NDST3: variants seen among roughly 807,000 people sequenced by gnomAD.
The protein encoded by NDST3 is N-deacetylase and N-sulfotransferase 3.
A neutral mutation model predicts 96.1 loss-of-function variants in NDST3; 58 were observed. That is an observed-to-expected ratio of 0.60 (90% CI 0.49 to 0.75). The LOEUF is 0.75. NDST3 is among the 30% of genes least tolerant of loss of function. The pLI is 0.00. For missense variants in NDST3, 788 were observed against 1,034.2 expected, an observed-to-expected ratio of 0.76 and a Z score of 3.27; for synonymous variants, 333 against 359.7, an observed-to-expected ratio of 0.93 and a Z score of 0.84.
At chr4:118,161,437 C>T (rs964811038) in intron 6 of NDST3, among the ~76,000 whole-genome samples, 6 of 152,186 alleles carry the variant, frequency 3.9e-5, no homozygotes, top group African/African-American at 1.2e-4. Flanking sequence ...GCAGAGGTTA[C>T]TGCTGTCTTT....
At chr4:118,095,753 C>T (rs957769837) in intron 2 of NDST3, among the ~76,000 whole-genome samples, 9 of 151,822 alleles carry the variant, frequency 5.9e-5, no homozygotes, top group African/African-American at 2.2e-4. Context: ...ACACTGGCAA[C>T]CACCAATCTA....
intron 1 of NDST3, among the ~76,000 whole-genome samples, chr4:118,047,043 T>C (rs1384127845): frequency 1.3e-5 from 2 of 152,158 alleles, no homozygotes; most frequent in Non-Finnish European, 2.9e-5. Flanking sequence ...CAGCTGCAAA[T>C]GTGAGAAATA....
At chr4:118,142,412 C>A (rs982141477) in intron 5 of NDST3, among the ~76,000 whole-genome samples, 2 of 149,318 alleles carry the variant, frequency 1.3e-5, no homozygotes, top group Middle Eastern at 3.5e-3. Flanking sequence ...AAGGGCTAGA[C>A]GAAAATTTAT....
chr4:118,053,623 A>C (rs569151867), intron 1 of NDST3, 133 bp from the exon 2 acceptor site: 1 of 245,878 alleles, frequency 4.1e-6, no homozygotes, highest in African/African-American at 2.3e-5. Flanking sequence ...GGAGAAGAAA[A>C]GGGAGGGCTT....
chr4:118,170,573 C>CA (rs1422086733), intron 6 of NDST3, among the ~76,000 whole-genome samples: 5 of 151,954 alleles, frequency 3.3e-5, no homozygotes, highest in Non-Finnish European at 5.9e-5. Flanking sequence ...ACTAAAAATA[C>CA]AAAAAATTAG....
chr4:118,078,420 TA>T (rs1727744814), intron 2 of NDST3, among the ~76,000 whole-genome samples: 1 of 152,196 alleles, frequency 6.6e-6, no homozygotes, highest in African/African-American at 2.4e-5. Flanking sequence ...GCCAGTTGCA[TA>T]GGTGAATATA....
At chr4:118,091,505 T>C (rs930107142) in intron 2 of NDST3, among the ~76,000 whole-genome samples, 1 of 151,774 alleles carries the variant, frequency 6.6e-6, no homozygotes, top group African/African-American at 2.4e-5. Context: ...GTTTGAGAAA[T>C]TGAGCATGGC....
chr4:118,178,704 C>G (rs373376629), intron 6 of NDST3, among the ~76,000 whole-genome samples: 2 of 151,994 alleles, frequency 1.3e-5, no homozygotes, highest in Admixed American at 6.6e-5. Flanking sequence ...TACCCAGAAG[C>G]AGAATTGCTG....
At chr4:118,124,553 T>C (rs1731881595) in intron 4 of NDST3, among the ~76,000 whole-genome samples, 1 of 151,988 alleles carries the variant, frequency 6.6e-6, no homozygotes, top group Admixed American at 6.6e-5. Flanking sequence ...AGCACTGAGA[T>C]TGAGCCGGGG....
intron 3 of NDST3, 21 bp downstream of exon 3, chr4:118,105,126 G>A: frequency 6.4e-7 from 1 of 1,572,066 alleles, no homozygotes; most frequent in Non-Finnish European, 8.8e-7. Context: ...GGGATTAACT[G>A]TTCTCATTAA....
At chr4:118,221,354 A>T (rs370193737) in intron 6 of NDST3, among the ~76,000 whole-genome samples, 1 of 152,174 alleles carries the variant, frequency 6.6e-6, no homozygotes, top group African/African-American at 2.4e-5. Context: ...TCAGAAAAAT[A>T]TTTGTGGATT....
chr4:118,036,104 T>G (rs1724133701), intron 1 of NDST3, among the ~76,000 whole-genome samples: 1 of 152,096 alleles, frequency 6.6e-6, no homozygotes, highest in South Asian at 2.1e-4. Flanking sequence ...AAACCATATA[T>G]TCTGCTAAAG....
chr4:118,242,447 T>C (rs1560741780), intron 12 of NDST3, among the ~76,000 whole-genome samples: 2 of 152,198 alleles, frequency 1.3e-5, no homozygotes, highest in Non-Finnish European at 2.9e-5. Flanking sequence ...AATAAATTCG[T>C]AAAGCCTGAG....
chr4:118,086,289 T>C (rs1056289174), intron 2 of NDST3, among the ~76,000 whole-genome samples: 3 of 152,234 alleles, frequency 2.0e-5, no homozygotes, highest in Non-Finnish European at 4.4e-5. Flanking sequence ...TTCTTTGCAT[T>C]GAGTTATAAA....
intron 2 of NDST3, among the ~76,000 whole-genome samples, chr4:118,097,471 G>C (rs1729406560): frequency 6.6e-6 from 1 of 151,834 alleles, no homozygotes. Context: ...TTGAAATCAA[G>C]GAATAGAACA....
At chr4:118,156,866 C>T (rs1734745567) in intron 6 of NDST3, among the ~76,000 whole-genome samples, 1 of 152,164 alleles carries the variant, frequency 6.6e-6, no homozygotes, top group Non-Finnish European at 1.5e-5. Flanking sequence ...TGGTACAACC[C>T]TAATGGAAGA....
At chr4:118,058,442 A>AAAC (rs2110459835) in intron 2 of NDST3, among the ~76,000 whole-genome samples, 2 of 151,938 alleles carry the variant, frequency 1.3e-5, no homozygotes, top group South Asian at 4.2e-4. Context: ...AAAAAAAAAA[A>AAAC]AAAACAGACC....
At chr4:118,051,733 A>G (rs983134724) in intron 1 of NDST3, among the ~76,000 whole-genome samples, 3 of 152,156 alleles carry the variant, frequency 2.0e-5, no homozygotes, top group African/African-American at 7.2e-5. Flanking sequence ...TCCTGCCAAA[A>G]TAGTCTCTTT....
chr4:118,214,567 C>T (rs1324731225), intron 6 of NDST3, among the ~76,000 whole-genome samples: 3 of 152,064 alleles, frequency 2.0e-5, no homozygotes, highest in Non-Finnish European at 4.4e-5. Flanking sequence ...ATACACATGA[C>T]TCACAGTATG....
Sources: gnomAD v4.1 joint callset for allele counts (sites outside exome capture counted in the v4.1 genomes callset) on GRCh38, gnomAD v4.1.1 for gene constraint, MANE v1.5 for transcripts, NCBI Gene and HGNC (gene_info 2026-07-23, HGNC 2026-07-21) for gene names.